RPS27: variants seen among roughly 807,000 people sequenced by gnomAD.
RPS27 encodes ribosomal protein S27.
A neutral mutation model predicts 11.8 loss-of-function variants in RPS27; 1 was observed. The observed-to-expected ratio is 0.08, with a 90% CI of 0.03 to 0.40. RPS27 has a LOEUF of 0.40. Among genes scored for constraint, RPS27 ranks in the 10% least tolerant of loss-of-function variants. RPS27 has a pLI of 0.98. For synonymous variants in RPS27, 42 were observed against 33.8 expected (o/e 1.24, Z -0.84); for missense variants, 44 against 100.1 (o/e 0.44, Z 2.39).
At chr1:153,990,973 G>A in intron 1 of RPS27, 142 bp from the exon 2 acceptor site, 2 of 1,207,398 alleles carry the variant, frequency 1.7e-6, no homozygotes, top group Non-Finnish European at 2.4e-6. Context: ...GGAGCGGAGA[G>A]GAGATAAGAT....
Position 153,990,839 on chromosome 1 carries a change from C to T in RPS27, c.6+37C>T, listed in dbSNP as rs765211870. ...GGTCCAGGTTTCGGCGGAGATCTCG[C>T]TGTTCTGTCCGAACTCTCCCCTCAC... is the stretch of plus-strand genomic sequence containing the variant. On this transcript the variant is annotated intron_variant, in intron 1 of 3. Transcript: ENST00000651669. 9 of 1,613,710 alleles carry T rather than the reference C, an allele frequency of 5.6e-6. No homozygotes were observed. In the East Asian group the frequency reaches 1.6e-4, roughly 28 times the overall value.
At chr1:153,991,993 T>C (rs545646722) in intron 3 of RPS27, 72 bp from the exon 4 acceptor site, 3 of 1,359,652 alleles carry the variant, frequency 2.2e-6, no homozygotes, top group Admixed American at 3.5e-5. Context: ...TCATCATGCA[T>C]CTGCTTTTTT....
In RPS27 at chr1:153,990,786, C is replaced by T. The variant is rs374881006; in HGVS notation, c.-11C>T. 2.0e-5 allele frequency: 32 copies of T among 1,614,228 alleles called. No individual in the cohort carries two copies. The highest frequency in any genetic ancestry group is 2.3e-5 in the Non-Finnish European group (27 of 1,180,040). ...TCCTTTCCGGCGGTGACGACCTACG[C>T]ACACGAGAACATGCCTGTGAGTGCT... is the stretch of plus-strand genomic sequence containing the variant. On this transcript the variant is annotated 5_prime_UTR_variant, in exon 1 of 4. Coordinates refer to ENST00000651669, the MANE Select transcript of RPS27 (RefSeq NM_001030.6).
At chr1:153,991,706 T>C (rs765614807) in intron 3 of RPS27, 30 bp downstream of exon 3, 4 of 1,385,032 alleles carry the variant, frequency 2.9e-6, no homozygotes, top group Admixed American at 1.9e-5. Context: ...GATTTGGGGC[T>C]TTGAGTTTGA....
chr1:153,992,046 C>T lies in RPS27; in HGVS notation c.227-19C>T, dbSNP rs1465447773. 1 of 1,613,036 alleles carries T rather than the reference C, an allele frequency of 6.2e-7. No individual in the cohort carries two copies. The highest frequency in any genetic ancestry group is 8.5e-7 in the Non-Finnish European group (1 of 1,179,174). ...TACCTGTACTGATGACAGCTAATCT[C>T]TGAATCTTTTTCCTCCAGGATGTTC... On this transcript the variant is annotated intron_variant, in intron 3 of 3. Transcript: ENST00000651669.
At chr1:153,991,300 G>A (rs761532985) in intron 2 of RPS27, 77 bp downstream of exon 2, 7 of 1,553,004 alleles carry the variant, frequency 4.5e-6, no homozygotes, top group South Asian at 3.5e-5. Flanking sequence ...TAGCTGTCTC[G>A]TATCCTTGAA....
intron 1 of RPS27, 110 bp from the exon 2 acceptor site, chr1:153,991,005 C>T: frequency 8.7e-7 from 1 of 1,155,504 alleles, no homozygotes; most frequent in Non-Finnish European, 1.2e-6. Context: ...TGCGCAGACA[C>T]CAGGGGCGGC....
intron 1 of RPS27, 97 bp from the exon 2 acceptor site, chr1:153,991,017 AG>A: frequency 8.6e-7 from 1 of 1,161,354 alleles, no homozygotes; most frequent in South Asian, 1.4e-5. Context: ...AGGGGCGGCG[AG>A]GGGCGAGCTC....
At position 153,990,762 on chromosome 1, in the gene RPS27, C is replaced by G. The variant is rs763520169; in HGVS notation, c.-35C>G. 2.5e-6 allele frequency: 4 copies of G among 1,614,072 alleles called. No individual in the cohort carries two copies. In the South Asian group the frequency reaches 3.3e-5, roughly 13 times the overall value. Reference sequence around the variant, plus strand: ...AAGGGGCAGGATTTCCGCTTTCGCTCCTTTCCGGCGGTGACGACCTACGCA... The same window carrying G: ...AAGGGGCAGGATTTCCGCTTTCGCTGCTTTCCGGCGGTGACGACCTACGCA... On this transcript the variant is annotated 5_prime_UTR_variant, in exon 1 of 4. Transcript: ENST00000651669.
rs35506293 is a variant in RPS27, at chr1:153,991,519, A to AAG, written c.116-45_116-44dup. The stretch of plus-strand genomic sequence containing the variant: ...TGATGAGTTGGGCATAAGTGCAGGA[A>AAG]AGACGGGTGTAATAGAGGAAAAAAA... On this transcript the variant is annotated intron_variant, in intron 2 of 3. Coordinates refer to ENST00000651669, the MANE Select transcript of RPS27 (RefSeq NM_001030.6). 435,756 of 1,444,352 alleles carry AAG rather than the reference A, an allele frequency of 0.3. 68,363 individuals are homozygous for AAG. Among genetic ancestry groups the AAG allele is most frequent in the Admixed American group, 0.42 (24,827 of 59,240 alleles). 89.5% of individuals were successfully genotyped at this position (1,444,352 alleles called of 1,614,324 possible). A position where few individuals can be genotyped will look rare whatever the true frequency, so the allele number is the denominator to read the frequency against.
At chr1:153,991,090 A>C in intron 1 of RPS27, 25 bp from the exon 2 acceptor site, 1 of 1,523,310 alleles carries the variant, frequency 6.6e-7, no homozygotes, top group Non-Finnish European at 8.9e-7. Flanking sequence ...TGGTTTCTAA[A>C]TCTCTGCATT....
At position 153,991,610 on chromosome 1, in the gene RPS27, G is replaced by A; in HGVS notation, c.160G>A (p.Val54Ile). Residue 54 changes from valine to isoleucine, a missense_variant, in exon 3 of 4, where the codon GTT becomes ATT. Physicochemically the swap from Val to Ile is conservative, Grantham distance 29. Coordinates refer to ENST00000651669, the MANE Select transcript of RPS27 (RefSeq NM_001030.6). ...GGTCTTTAGCCATGCACAAACGGTA[G>A]TTTTGTGTGTTGGCTGCTCCACTGT... ...TTVFSHAQTV[V>I]LCVGCSTVLC... 6.2e-7 allele frequency: 1 copy of A among 1,613,556 alleles called. No homozygotes were observed. The highest frequency in any genetic ancestry group is 8.5e-7 in the Non-Finnish European group (1 of 1,179,478).
At chr1:153,991,021 G>C (rs1296833068) in intron 1 of RPS27, 94 bp from the exon 2 acceptor site, 1 of 1,181,500 alleles carries the variant, frequency 8.5e-7, no homozygotes, top group African/African-American at 1.5e-5. Context: ...GCGGCGAGGG[G>C]CGAGCTCTCC....
At position 153,990,793 on chromosome 1, in the gene RPS27, G is replaced by T; in HGVS notation, c.-4G>T. ...CGGCGGTGACGACCTACGCACACGA[G>T]AACATGCCTGTGAGTGCTTTGGTCC... On this transcript the variant is annotated 5_prime_UTR_variant, in exon 1 of 4. Transcript: ENST00000651669. 1.9e-6 allele frequency: 3 copies of T among 1,614,212 alleles called. No homozygotes were observed. Among genetic ancestry groups the T allele is most frequent in the Middle Eastern group, 1.6e-4 (1 of 6,062 alleles).
In RPS27 at chr1:153,990,796, C is replaced by T. The variant is rs754848441; in HGVS notation, c.-1C>T. ...CGGTGACGACCTACGCACACGAGAA[C>T]ATGCCTGTGAGTGCTTTGGTCCAGG... On this transcript the variant is annotated 5_prime_UTR_variant, in exon 1 of 4. Coordinates refer to ENST00000651669, the MANE Select transcript of RPS27 (RefSeq NM_001030.6). The T allele has an allele frequency of 6.2e-6, 10 of 1,614,106 alleles. No individual in the cohort carries two copies. Among genetic ancestry groups the T allele is most frequent in the Admixed American group, 5.0e-5 (3 of 60,006 alleles).
In RPS27 at chr1:153,992,072, C is replaced by T. The variant is rs918514344; in HGVS notation, c.234C>T (p.Ser78=). ...GGKARLTEGC[S]FRRKQH ...TGAATCTTTTTCCTCCAGGATGTTC[C>T]TTCAGGAGGAAGCAGCACTAAAAGC... The change falls in exon 4 of 4, where the codon TCC becomes TCT. Residue 78 remains serine (S), a synonymous_variant. Transcript: ENST00000651669. 4 of 1,612,996 alleles carry T rather than the reference C, an allele frequency of 2.5e-6. No homozygotes were observed. Among genetic ancestry groups the T allele is most frequent in the South Asian group, 2.2e-5 (2 of 91,052 alleles).
intron 3 of RPS27, 144 bp downstream of exon 3, chr1:153,991,820 T>C: frequency 1.5e-6 from 1 of 674,498 alleles, no homozygotes; most frequent in South Asian, 1.8e-5. Flanking sequence ...TTGGTTGTTT[T>C]AACTAGATAC....
chr1:153,991,847 T>TTAA, intron 3 of RPS27, 171 bp downstream of exon 3: 1 of 680,048 alleles, frequency 1.5e-6, no homozygotes, highest in South Asian at 1.8e-5. Flanking sequence ...AAGCTATGTA[T>TTAA]TAATCTCAAA....
chr1:153,990,817 C>T lies in RPS27; in HGVS notation c.6+15C>T, dbSNP rs368629605. On this transcript the variant is annotated intron_variant, in intron 1 of 3. Transcript: ENST00000651669. ...AGAACATGCCTGTGAGTGCTTTGGT[C>T]CAGGTTTCGGCGGAGATCTCGCTGT... is the stretch of plus-strand genomic sequence containing the variant. 1.2e-4 allele frequency: 193 copies of T among 1,614,076 alleles called. No individual in the cohort carries two copies. The highest frequency in any genetic ancestry group is 1.7e-4 in the Admixed American group (10 of 60,000).
Sources: allele counts gnomAD v4.1 joint callset, GRCh38; gene constraint gnomAD v4.1.1; transcripts MANE v1.5; gene names NCBI Gene and HGNC (gene_info 2026-07-23, HGNC 2026-07-21).